NR2F6: variants seen among roughly 807,000 people sequenced by gnomAD.
NR2F6 encodes the protein ERBA-related gene-2.
In NR2F6, 16 loss-of-function variants were observed where a neutral mutation model predicts 26.5. That is an observed-to-expected ratio of 0.60 (90% CI 0.41 to 0.92). The LOEUF (loss-of-function observed/expected upper bound fraction) is 0.92, where lower values mean the gene tolerates loss of function less well. Among genes scored for constraint, NR2F6 ranks in the 40% least tolerant of loss-of-function variants. The pLI is 0.00. For missense variants in NR2F6, 536 were observed against 631.7 expected (o/e 0.85, Z 1.62); for synonymous variants, 325 against 305.0 (o/e 1.07, Z -0.68).
chr19:17,245,112 C>T lies in NR2F6; in HGVS notation c.109G>A (p.Gly37Ser). The part of the protein sequence containing the change: ...AAEDDSASPP[G>S]AASDAEPGDE... ...CCCGGCTCGGCGTCGCTGGCGGCAC[C>T]GGGGGGCGAGGCCGAGTCGTCCTCG... Residue 37 changes from glycine to serine, a missense_variant, in exon 1 of 4, where the codon GGT (glycine) becomes AGT (serine). Physicochemically the swap from Gly to Ser is moderately conservative, Grantham distance 56. Transcript: ENST00000291442. The surrounding 1 kb of genome is among the most constrained non-coding windows in gnomAD (Gnocchi z 5.0). 1.3e-6 allele frequency: 2 copies of T among 1,545,510 alleles called. No homozygotes were observed. The highest frequency in any genetic ancestry group is 1.4e-5 in the African/African-American group (1 of 71,016).
Position 17,236,036 on chromosome 19 carries a change from G to C in NR2F6, c.403C>G (p.Leu135Val). 7.3e-7 allele frequency: 1 copy of C among 1,369,760 alleles called. No individual in the cohort carries two copies. Among genetic ancestry groups the C allele is most frequent in the Non-Finnish European group, 9.3e-7 (1 of 1,069,878 alleles). 84.9% of individuals were successfully genotyped at this position (1,369,760 alleles called of 1,614,324 possible). The change falls in exon 3 of 4, where the codon CTG (leucine) becomes GTG (valine). Residue 135 changes from leucine to valine, a missense_variant. By Grantham distance (32) the Leu-to-Val change is conservative (BLOSUM62 1). Coordinates refer to ENST00000291442, the MANE Select transcript of NR2F6 (RefSeq NM_005234.4). The stretch of plus-strand genomic sequence containing the variant: ...GAGGAGGCGGCCACGGCACCAGGCA[G>C]CGAGTGCGGGATGCGGCCGCGCTGC... ...AVQRGRIPHS[L>V]PGAVAASSGS...
intron 1 of NR2F6, chr19:17,244,368 C>T (rs1311695079): frequency 1.3e-5 from 2 of 152,788 alleles, no homozygotes; most frequent in African/African-American, 4.8e-5. Flanking sequence ...CACCCCCACC[C>T]CCACCGCTGG....
chr19:17,245,799 A>C lies in NR2F6; in HGVS notation c.-579T>G, dbSNP rs1027984530. On this transcript the variant is annotated 5_prime_UTR_variant, in exon 1 of 4. Coordinates refer to ENST00000291442, the MANE Select transcript of NR2F6 (RefSeq NM_005234.4). This position sits in a 1 kb window ranked among gnomAD's most constrained non-coding sequence, Gnocchi z 5.0. Reference sequence around the variant, plus strand: ...AGGGCCGCTGGGCCGGCGCCTCTGGAGCTGCCGCCCCCGCTGCGGCCGCTC... The same window carrying C: ...AGGGCCGCTGGGCCGGCGCCTCTGGCGCTGCCGCCCCCGCTGCGGCCGCTC... 1 of 144,460 alleles carries C rather than the reference A, an allele frequency of 6.9e-6. No homozygotes were observed. Among genetic ancestry groups the C allele is most frequent in the African/African-American group, 2.5e-5 (1 of 40,048 alleles). 8.9% of individuals were successfully genotyped at this position (144,460 alleles called of 1,614,324 possible).
In NR2F6 at chr19:17,235,816, C is replaced by T; in HGVS notation, c.623G>A (p.Arg208Gln). The change falls in exon 3 of 4, where the codon CGG becomes CAG. Residue 208 changes from arginine to glutamine, a missense_variant. By Grantham distance (43) the Arg-to-Gln change is conservative. Coordinates refer to ENST00000291442, the MANE Select transcript of NR2F6 (RefSeq NM_005234.4). The surrounding 1 kb of genome is among the most constrained non-coding windows in gnomAD (Gnocchi z 5.0). ...CCACTCCACGGTGCTGAAGAGCAGC[C>T]GCGCCGCCAGCTCGCACACGTTGTC... ...GIDNVCELAA[R>Q]LLFSTVEWAR... The T allele has an allele frequency of 6.8e-7, 1 of 1,479,884 alleles. No homozygotes were observed. The highest frequency in any genetic ancestry group is 8.9e-7 in the Non-Finnish European group (1 of 1,124,058). The allele number at this position is 1,479,884 out of a possible 1,614,324, so 91.7% of individuals were successfully genotyped here.
At chr19:17,237,269 C>T (rs749364593) in intron 2 of NR2F6, among the ~76,000 whole-genome samples, 6 of 152,240 alleles carry the variant, frequency 3.9e-5, no homozygotes, top group Middle Eastern at 3.4e-3. Context: ...AGCTTCCTCC[C>T]GCTTTGTTCA....
intron 1 of NR2F6, among the ~76,000 whole-genome samples, chr19:17,244,682 C>T (rs1763715450): frequency 6.6e-6 from 1 of 152,096 alleles, no homozygotes; most frequent in African/African-American, 2.4e-5. Flanking sequence ...AGAGAAAAAG[C>T]GGAGGGAAGG....
At chr19:17,244,428 CT>C (rs1161336476) in intron 1 of NR2F6, 1 of 153,304 alleles carries the variant, frequency 6.5e-6, no homozygotes, top group Admixed American at 6.6e-5. Context: ...CTCCCTCCGT[CT>C]GCCGCCTCCG....
rs774831125 is a variant in NR2F6, at chr19:17,240,694, A to C, written c.350T>G (p.Phe117Cys). ...ACCCTCCTTCCTCATGCCCACCCGG[A>C]AGCACTTCTTGAGACGGCAGTACTG... ...QCQYCRLKKC[F>C]RVGMRKEAVQ... The change falls in exon 2 of 4, where the codon TTC becomes TGC. Residue 117 changes from phenylalanine to cysteine, a missense_variant. Coordinates refer to ENST00000291442, the MANE Select transcript of NR2F6 (RefSeq NM_005234.4). 63 of 1,613,994 alleles carry C rather than the reference A, an allele frequency of 3.9e-5. No individual in the cohort carries two copies. Among genetic ancestry groups the C allele is most frequent in the Non-Finnish European group, 4.7e-5 (56 of 1,180,008 alleles).
chr19:17,232,390 C>G lies in NR2F6; in HGVS notation c.1177G>C (p.Gly393Arg). The change falls in exon 4 of 4, where the codon GGG becomes CGG. Residue 393 changes from glycine to arginine, a missense_variant. Transcript: ENST00000291442. Reference protein sequence around the residue: ...ETLIRDMLLSGSTFNWPYGSG... With the variant: ...ETLIRDMLLSRSTFNWPYGSG... ...CCGTAGGGCCAGTTGAAGGTACTCC[C>G]CGACAGCAGCATGTCTCTGATCAGT... 6.2e-7 allele frequency: 1 copy of G among 1,614,076 alleles called. No homozygotes were observed. The highest frequency in any genetic ancestry group is 8.5e-7 in the Non-Finnish European group (1 of 1,180,030).
chr19:17,232,743 T>A, intron 3 of NR2F6, 117 bp from the exon 4 acceptor site: 1 of 1,267,112 alleles, frequency 7.9e-7, no homozygotes, highest in Non-Finnish European at 1.1e-6. Context: ...CCGGGCATGA[T>A]GGCTCACGGC....
At chr19:17,240,848 GCCC>G in intron 1 of NR2F6, 83 bp from the exon 2 acceptor site, 1 of 1,378,742 alleles carries the variant, frequency 7.3e-7, no homozygotes, top group Non-Finnish European at 1.0e-6. Context: ...TTTGGAGGCT[GCCC>G]CTCAGAAATA....
In NR2F6 at chr19:17,232,559, G is replaced by C. The variant is rs1160307270; in HGVS notation, c.1008C>G (p.Thr336=). 6.3e-7 allele frequency: 1 copy of C among 1,596,284 alleles called. No individual in the cohort carries two copies. ...SLQEKAQVAL[T]EYVRAQYPSQ... ...ACGGGTACTGCGCCCGCACATACTC[G>C]GTGAGGGCCACCTGCGCCTTCTCCT... is the stretch of plus-strand genomic sequence containing the variant. The change falls in exon 4 of 4, where the codon ACC becomes ACG. Residue 336 remains threonine, a synonymous_variant. Coordinates refer to ENST00000291442, the MANE Select transcript of NR2F6 (RefSeq NM_005234.4).
rs940302328 is a variant in NR2F6 at position 17,235,755 on chromosome 19, C to T, written c.684G>A (p.Val228=). 1 of 1,499,936 alleles carries T rather than the reference C, an allele frequency of 6.7e-7. No homozygotes were observed. The highest frequency in any genetic ancestry group is 8.8e-7 in the Non-Finnish European group (1 of 1,133,120). 92.9% of individuals were successfully genotyped at this position (1,499,936 alleles called of 1,614,324 possible). The change falls in exon 3 of 4, where the codon GTG becomes GTA. Residue 228 remains valine, a synonymous_variant. Transcript: ENST00000291442. The surrounding 1 kb of genome is among the most constrained non-coding windows in gnomAD (Gnocchi z 5.0). The part of the protein sequence containing the change: ...RHAPFFPELP[V]ADQVALLRLS... ...GGCGCAGCAGCGCCACCTGGTCGGC[C>T]ACCGGCAGCTCGGGGAAGAAGGGCG...
chr19:17,237,467 A>C (rs2145565656), intron 2 of NR2F6, among the ~76,000 whole-genome samples: 1 of 148,942 alleles, frequency 6.7e-6, no homozygotes, highest in South Asian at 2.1e-4. Flanking sequence ...GCTGGAGTGC[A>C]GTGGCACAAT....
chr19:17,244,507 G>A (rs1200645611), intron 1 of NR2F6: 3 of 165,738 alleles, frequency 1.8e-5, no homozygotes, highest in African/African-American at 4.8e-5. Flanking sequence ...CGCGGCCGCA[G>A]ACAATGGCCC....
chr19:17,242,296 C>T (rs2073473919), intron 1 of NR2F6, among the ~76,000 whole-genome samples: 1 of 152,164 alleles, frequency 6.6e-6, no homozygotes, highest in African/African-American at 2.4e-5. Flanking sequence ...CCAGCCTGGG[C>T]AACAAGAGTG....
At position 17,235,452 on chromosome 19, in the gene NR2F6, T is replaced by C; in HGVS notation, c.940+47A>G. The C allele has an allele frequency of 6.5e-7, 1 of 1,537,268 alleles. No homozygotes were observed. Among genetic ancestry groups the C allele is most frequent in the East Asian group, 2.4e-5 (1 of 40,832 alleles). On this transcript the variant is annotated intron_variant, in intron 3 of 3. Coordinates refer to ENST00000291442, the MANE Select transcript of NR2F6 (RefSeq NM_005234.4). The surrounding 1 kb of genome is among the most constrained non-coding windows in gnomAD (Gnocchi z 5.0). ...GGTCCAGGCCGCCCTCCTCCTAACCTCCCTTGGGTCCCCCCATCCCGCGGC... is the reference window on the plus strand; with the variant it reads ...GGTCCAGGCCGCCCTCCTCCTAACCCCCCTTGGGTCCCCCCATCCCGCGGC...
At chr19:17,239,290 T>G (rs1443971146) in intron 2 of NR2F6, among the ~76,000 whole-genome samples, 1 of 151,368 alleles carries the variant, frequency 6.6e-6, no homozygotes, top group East Asian at 2.0e-4. Context: ...TGAGCCGAGA[T>G]GGCACCACAG....
chr19:17,244,046 C>A (rs566979858), intron 1 of NR2F6, among the ~76,000 whole-genome samples: 7 of 152,254 alleles, frequency 4.6e-5, no homozygotes, highest in African/African-American at 1.7e-4. Flanking sequence ...AACTCCCGGG[C>A]TGGACAACCC....
Sources: gnomAD v4.1 joint callset for allele counts (sites outside exome capture counted in the v4.1 genomes callset) on GRCh38, gnomAD v4.1.1 for gene constraint, Gnocchi (gnomAD v3.1) non-coding constraint, MANE v1.5 for transcripts, NCBI Gene and HGNC (gene_info 2026-07-23, HGNC 2026-07-21) for gene names.